The following PCDHGB4 variants were observed in gnomAD, a reference collection of about 807,000 sequenced individuals.
PCDHGB4 encodes protocadherin gamma-B4.
PCDHGB4 carries 38 observed loss-of-function variants against 60.5 expected under a neutral mutation model. The ratio of observed to expected loss-of-function variants is 0.63; its 90% CI spans 0.48 to 0.82. The LOEUF (loss-of-function observed/expected upper bound fraction) is 0.82. Among genes scored for constraint, PCDHGB4 ranks in the 40% least tolerant of loss-of-function variants. The pLI, the probability that PCDHGB4 is intolerant of heterozygous loss-of-function variation, is 0.00. For missense variants in PCDHGB4, 1,109 were observed against 1,209.6 expected, an observed-to-expected ratio of 0.92 and a Z score of 1.23; for synonymous variants, 456 against 509.7, an observed-to-expected ratio of 0.89 and a Z score of 1.42.
At chr5:141,463,165 C>G (rs1042153238) in intron 1 of PCDHGB4, among the ~76,000 whole-genome samples, 1 of 152,148 alleles carries the variant, frequency 6.6e-6, no homozygotes, top group Non-Finnish European at 1.5e-5. Context: ...TCAGTGCACT[C>G]TATGTATGCT....
chr5:141,392,865 G>A, intron 1 of PCDHGB4: 1 of 1,613,006 alleles, frequency 6.2e-7, no homozygotes, highest in Non-Finnish European at 8.5e-7. Flanking sequence ...CCTGCTGTGC[G>A]CGCTGCTGGG....
At position 141,510,973 on chromosome 5, in the gene PCDHGB4, G is replaced by A. The variant is rs1448442252; in HGVS notation, c.2572G>A (p.Gly858Arg). 2 of 1,614,042 alleles carry A rather than the reference G, an allele frequency of 1.2e-6. No individual in the cohort carries two copies. Among genetic ancestry groups the A allele is most frequent in the East Asian group, 2.2e-5 (1 of 44,894 alleles). ...AGCTGCTGATGGGAGCTCCACCCTG[G>A]GAGGGGGTGCCGGCACCATGGGATT... ...SEAADGSSTL[G>R]GGAGTMGLSA... Residue 858 changes from glycine (G) to arginine (R), a missense_variant, in exon 4 of 4, where the codon GGA (glycine) becomes AGA (arginine). Gly to Arg is a moderately radical substitution (Grantham distance 125). This residue lies in a region of PCDHGB4 where 1,068 missense variants were observed against 1,089.9 expected (regional missense o/e 0.98). Transcript: ENST00000519479.
chr5:141,418,360 G>T (rs544948410), intron 1 of PCDHGB4: 4 of 1,613,990 alleles, frequency 2.5e-6, no homozygotes, highest in Non-Finnish European at 3.4e-6. Flanking sequence ...TGAATTCGCT[G>T]AGCAAATACC....
chr5:141,409,644 TG>T, intron 1 of PCDHGB4: 1 of 1,613,700 alleles, frequency 6.2e-7, no homozygotes, highest in Non-Finnish European at 8.5e-7. Flanking sequence ...GACCCGGATT[TG>T]GGGCTCAATG....
rs2094361083 is a variant in PCDHGB4 at position 141,403,148 on chromosome 5, A to T, written c.2397+12867A>T. The T allele has an allele frequency of 2.5e-6, 4 of 1,614,050 alleles. No homozygotes were observed. The South Asian group carries it at 4.4e-5, about 18-fold the overall frequency. On this transcript the variant is annotated intron_variant, in intron 1 of 3. Coordinates refer to ENST00000519479, the MANE Select transcript of PCDHGB4 (RefSeq NM_003736.4). ...GGAGCTGGCGGAGCGCCGAGTCCGC[A>T]TCGTCTCTAGAGGTAGGACGCAGCT...
intron 1 of PCDHGB4, chr5:141,478,046 C>A (rs762982394): frequency 3.7e-6 from 6 of 1,614,172 alleles, no homozygotes; most frequent in Non-Finnish European, 5.1e-6. Flanking sequence ...CAGGCAGACT[C>A]TCACGGTCTT....
At position 141,476,683 on chromosome 5, in the gene PCDHGB4, C is replaced by T; in HGVS notation, c.2398-18124C>T. The T allele has an allele frequency of 1.9e-6, 3 of 1,614,242 alleles. No homozygotes were observed. Among genetic ancestry groups the T allele is most frequent in the Non-Finnish European group, 2.5e-6 (3 of 1,180,052 alleles). ...CGCTTCGCGTGCAGACGCGGGAGGA[C>T]AGCACCAAGTACGCGGAGCTGGTGT... On this transcript the variant is annotated intron_variant, in intron 1 of 3. Coordinates refer to ENST00000519479, the MANE Select transcript of PCDHGB4 (RefSeq NM_003736.4). The surrounding 1 kb of genome is among the most constrained non-coding windows in gnomAD (Gnocchi z 7.6).
intron 1 of PCDHGB4, chr5:141,419,929 T>C: frequency 6.2e-7 from 1 of 1,614,076 alleles, no homozygotes; most frequent in Non-Finnish European, 8.5e-7. Context: ...AGATGCAGTT[T>C]TACCTGGTGG....
chr5:141,433,017 A>T, intron 1 of PCDHGB4: 1 of 1,614,124 alleles, frequency 6.2e-7, no homozygotes, highest in Non-Finnish European at 8.5e-7. Flanking sequence ...CTGCAGACCT[A>T]TTCCCACGAG....
intron 1 of PCDHGB4, chr5:141,423,295 C>A: frequency 6.2e-7 from 1 of 1,614,146 alleles, no homozygotes; most frequent in Non-Finnish European, 8.5e-7. Context: ...AACCTCAGAC[C>A]TCTCGCTGTA....
At chr5:141,440,841 A>G (rs1361003883) in intron 1 of PCDHGB4, 5 of 152,114 alleles carry the variant, frequency 3.3e-5, no homozygotes, top group Admixed American at 1.3e-4. Flanking sequence ...GTTGAAGCCA[A>G]TGACAACCCT....
At chr5:141,483,207 A>G (rs1225621725) in intron 1 of PCDHGB4, among the ~76,000 whole-genome samples, 1 of 152,224 alleles carries the variant, frequency 6.6e-6, no homozygotes, top group African/African-American at 2.4e-5. Context: ...TATTCCATAT[A>G]GATGACAGTC....
chr5:141,456,263 T>C (rs2098847567), intron 1 of PCDHGB4, among the ~76,000 whole-genome samples: 2 of 152,292 alleles, frequency 1.3e-5, no homozygotes, highest in South Asian at 2.1e-4. Flanking sequence ...CCATTGCTTC[T>C]GGCTACTTCC....
intron 1 of PCDHGB4, chr5:141,404,707 C>T: frequency 6.2e-7 from 1 of 1,614,122 alleles, no homozygotes; most frequent in Non-Finnish European, 8.5e-7. Flanking sequence ...CAGAGCCTGG[C>T]TACCTGGTGA....
intron 1 of PCDHGB4, chr5:141,422,658 C>T (rs2096662185): frequency 6.2e-7 from 1 of 1,609,912 alleles, no homozygotes; most frequent in Non-Finnish European, 8.5e-7. Context: ...CAGTGACCGC[C>T]CTCGACCCGG....
chr5:141,397,379 T>C (rs1470838357), intron 1 of PCDHGB4, among the ~76,000 whole-genome samples: 1 of 152,206 alleles, frequency 6.6e-6, no homozygotes, highest in East Asian at 1.9e-4. Context: ...TGGGGATTGG[T>C]ATAAAATTGC....
chr5:141,393,306 A>G (rs2092724552), intron 1 of PCDHGB4: 2 of 1,613,734 alleles, frequency 1.2e-6, no homozygotes, highest in African/African-American at 2.7e-5. Flanking sequence ...TGTGGGCGTG[A>G]ACTCCCTCCA....
intron 1 of PCDHGB4, chr5:141,440,968 T>A (rs1487107428): frequency 6.6e-6 from 1 of 152,198 alleles, no homozygotes; most frequent in African/African-American, 2.4e-5. Flanking sequence ...AGATCACATA[T>A]GGCTTCACAA....
At position 141,412,973 on chromosome 5, in the gene PCDHGB4, C is replaced by A. The variant is rs2095594108; in HGVS notation, c.2397+22692C>A. 14 of 528,318 alleles carry A rather than the reference C, an allele frequency of 2.6e-5. No individual in the cohort carries two copies. In the South Asian group the frequency reaches 3.3e-4, roughly 12 times the overall value. The allele number at this position is 528,318 out of a possible 1,614,324, so 32.7% of individuals were successfully genotyped here. A position where few individuals can be genotyped will look rare whatever the true frequency, so the allele number is the denominator to read the frequency against. Reference sequence around the variant, plus strand: ...GCTGTTCACCTACTAGGAGAGAAAACGCAGCCAGAGCTCAATCCGGATTCT... The same window carrying A: ...GCTGTTCACCTACTAGGAGAGAAAAAGCAGCCAGAGCTCAATCCGGATTCT... On this transcript the variant is annotated intron_variant, in intron 1 of 3. Transcript: ENST00000519479.
Sources: allele counts gnomAD v4.1 joint callset (sites outside exome capture counted in the v4.1 genomes callset), GRCh38; gene constraint gnomAD v4.1.1; regional missense constraint gnomAD v4.1.1; non-coding constraint Gnocchi (gnomAD v3.1); transcripts MANE v1.5; gene names NCBI Gene and HGNC (gene_info 2026-07-23, HGNC 2026-07-21).